PRR16: variants seen among roughly 807,000 people sequenced by gnomAD.
The protein encoded by PRR16 is protein Largen.
A neutral mutation model predicts 18.2 loss-of-function variants in PRR16; 6 were observed. That is an observed-to-expected ratio of 0.33 (90% confidence interval 0.18 to 0.65). PRR16 has a LOEUF of 0.65. Among genes scored for constraint, PRR16 ranks in the 30% least tolerant of loss-of-function variants. The probability of loss-of-function intolerance (pLI) is 0.74; values close to 1 mark genes in which losing one functional copy is unlikely to be tolerated. For missense variants in PRR16, 412 were observed against 376.6 expected (o/e 1.09, Z -0.78); for synonymous variants, 151 against 147.8 (o/e 1.02, Z -0.16).
chr5:120,787,580 TATA>T, the PRR16 span, among the ~76,000 whole-genome samples: 6 of 152,138 alleles, frequency 3.9e-5, no homozygotes, highest in Non-Finnish European at 5.9e-5. Flanking sequence ...AAGAAACGCC[TATA>T]ATAATGTTTG....
intron 1 of PRR16, among the ~76,000 whole-genome samples, chr5:120,577,156 T>G (rs1049477958): frequency 2.6e-5 from 4 of 152,034 alleles, no homozygotes; most frequent in African/African-American, 7.2e-5. Flanking sequence ...CACATATATA[T>G]CATGATATAG....
At chr5:120,590,765 T>C (rs1753607334) in intron 1 of PRR16, among the ~76,000 whole-genome samples, 1 of 152,112 alleles carries the variant, frequency 6.6e-6, no homozygotes, top group Non-Finnish European at 1.5e-5. Flanking sequence ...GAATGAGACC[T>C]TGACTATAAA....
At chr5:120,674,274 G>A (rs1756718770) in intron 1 of PRR16, among the ~76,000 whole-genome samples, 1 of 152,060 alleles carries the variant, frequency 6.6e-6, no homozygotes, top group African/African-American at 2.4e-5. Flanking sequence ...TCCAAAAAAG[G>A]CTGGGTTAAA....
At chr5:120,771,996 T>C in the PRR16 span, among the ~76,000 whole-genome samples, 2 of 152,062 alleles carry the variant, frequency 1.3e-5, no homozygotes, top group East Asian at 1.9e-4. Flanking sequence ...GAGTGTCAGA[T>C]TGATATTATA....
intron 1 of PRR16, among the ~76,000 whole-genome samples, chr5:120,649,331 G>C (rs1755698174): frequency 6.6e-6 from 1 of 152,100 alleles, no homozygotes; most frequent in Admixed American, 6.6e-5. Flanking sequence ...TTATCACTCA[G>C]ATTTATAGTG....
intron 1 of PRR16, among the ~76,000 whole-genome samples, chr5:120,654,029 C>A (rs569884692): frequency 6.6e-6 from 1 of 152,180 alleles, no homozygotes; most frequent in East Asian, 1.9e-4. Flanking sequence ...GTCCCAAAAA[C>A]CTACATTTCT....
chr5:120,617,041 G>T, intron 1 of PRR16: 1 of 881,724 alleles, frequency 1.1e-6, no homozygotes, highest in Non-Finnish European at 1.4e-6. Flanking sequence ...AGTGTTTTTT[G>T]GAAAGTCTAA....
intron 1 of PRR16, among the ~76,000 whole-genome samples, chr5:120,607,803 TA>T (rs946871953): frequency 2.0e-5 from 3 of 150,950 alleles, no homozygotes; most frequent in Admixed American, 2.0e-4. Context: ...TCAATTCTGG[TA>T]AACTCATTTT....
At chr5:120,730,004 A>C in the PRR16 span, among the ~76,000 whole-genome samples, 1 of 152,174 alleles carries the variant, frequency 6.6e-6, no homozygotes, top group African/African-American at 2.4e-5. Context: ...ACAGGGCTTT[A>C]TTCTACAACT....
chr5:120,752,375 C>G, the PRR16 span, among the ~76,000 whole-genome samples: 1 of 151,922 alleles, frequency 6.6e-6, no homozygotes, highest in Admixed American at 6.6e-5. Context: ...AAATAATACA[C>G]AATAACAGAG....
chr5:120,583,398 C>A (rs1454602354), intron 1 of PRR16, among the ~76,000 whole-genome samples: 1 of 151,800 alleles, frequency 6.6e-6, no homozygotes, highest in Non-Finnish European at 1.5e-5. Context: ...GTTCTTCCAT[C>A]TGAGAAAGTC....
the PRR16 span, among the ~76,000 whole-genome samples, chr5:120,754,467 T>C: frequency 4.1e-5 from 4 of 97,418 alleles, no homozygotes; most frequent in Non-Finnish European, 7.3e-5. Flanking sequence ...ATATAGTATA[T>C]AGTATATATT....
chr5:120,732,271 T>A, the PRR16 span, among the ~76,000 whole-genome samples: 1 of 152,182 alleles, frequency 6.6e-6, no homozygotes, highest in Non-Finnish European at 1.5e-5. Flanking sequence ...GGCTTACACA[T>A]CTTCATGAGT....
At chr5:120,791,627 C>CCATCTAT in the PRR16 span, among the ~76,000 whole-genome samples, 1 of 147,428 alleles carries the variant, frequency 6.8e-6, no homozygotes, top group African/African-American at 2.6e-5. Flanking sequence ...ATCTATCCAT[C>CCATCTAT]CATCTATCAT....
At chr5:120,767,425 C>T in the PRR16 span, among the ~76,000 whole-genome samples, 3 of 151,952 alleles carry the variant, frequency 2.0e-5, no homozygotes, top group Admixed American at 2.0e-4. Context: ...TCAAGCATGG[C>T]TCTTTACAAT....
chr5:120,671,922 TAA>T (rs768846001), intron 1 of PRR16, among the ~76,000 whole-genome samples: 3 of 152,240 alleles, frequency 2.0e-5, no homozygotes, highest in Admixed American at 6.5e-5. Context: ...ATGTAAGCAA[TAA>T]GAGTCTAATA....
At chr5:120,784,976 C>G in the PRR16 span, among the ~76,000 whole-genome samples, 1 of 152,146 alleles carries the variant, frequency 6.6e-6, no homozygotes, top group Non-Finnish European at 1.5e-5. Context: ...CCACACCTAG[C>G]CTGACCACCC....
chr5:120,754,581 A>AT, the PRR16 span, among the ~76,000 whole-genome samples: 61 of 104,632 alleles, frequency 5.8e-4, no homozygotes, highest in African/African-American at 2.0e-3. Context: ...TTTATATTTT[A>AT]TATATTATAT....
chr5:120,738,847 G>A, the PRR16 span, among the ~76,000 whole-genome samples: 5 of 152,114 alleles, frequency 3.3e-5, no homozygotes, highest in Admixed American at 1.3e-4. Context: ...CAGAGAGACA[G>A]GGACACCTAA....
Sources: gnomAD v4.1 joint callset for allele counts (sites outside exome capture counted in the v4.1 genomes callset) on GRCh38, gnomAD v4.1.1 for gene constraint, MANE v1.5 for transcripts, NCBI Gene and HGNC (gene_info 2026-07-23, HGNC 2026-07-21) for gene names.